The following NREP variants were observed in gnomAD, a reference collection of about 807,000 sequenced individuals.
NREP encodes the protein neuronal regeneration-related protein.
Under a neutral mutation model 8.6 loss-of-function variants are expected in NREP, and 5 were observed. The observed-to-expected ratio is 0.58, with a 90% CI of 0.30 to 1.22. The LOEUF is 1.22. NREP is among the 50% of genes most tolerant of loss of function. NREP has a pLI of 0.07. For synonymous variants in NREP, 27 were observed against 28.0 expected (o/e 0.96, Z 0.11); for missense variants, 86 against 82.5 (o/e 1.04, Z -0.17).
intron 2 of NREP, among the ~76,000 whole-genome samples, chr5:111,967,730 G>C (rs1232489292): frequency 6.6e-6 from 1 of 151,984 alleles, no homozygotes; most frequent in African/African-American, 2.4e-5. Context: ...AACCTTCCAA[G>C]TGTGAAGTGA....
intron 2 of NREP, among the ~76,000 whole-genome samples, chr5:111,808,636 C>T (rs1752198127): frequency 2.0e-5 from 3 of 152,192 alleles, no homozygotes; most frequent in Non-Finnish European, 4.4e-5. Flanking sequence ...TGATCCTCTG[C>T]TGGAATCATT....
chr5:111,741,188 C>T (rs1475492023), intron 2 of NREP, among the ~76,000 whole-genome samples: 2 of 152,092 alleles, frequency 1.3e-5, no homozygotes, highest in Admixed American at 1.3e-4. Context: ...TTAGGAAAGC[C>T]GACTAGGGCA....
intron 2 of NREP, among the ~76,000 whole-genome samples, chr5:111,967,103 C>T (rs374481873): frequency 5.7e-4 from 87 of 152,272 alleles, no homozygotes; most frequent in Non-Finnish European, 1.2e-3. Context: ...GACTGCTACT[C>T]AATACCCTAC....
intron 2 of NREP, among the ~76,000 whole-genome samples, chr5:111,773,806 A>G (rs1170536368): frequency 6.6e-6 from 1 of 152,058 alleles, no homozygotes; most frequent in Non-Finnish European, 1.5e-5. Context: ...GTCAAGTCCA[A>G]ATTTGGTTCT....
At chr5:111,772,633 A>T (rs190675414) in intron 2 of NREP, among the ~76,000 whole-genome samples, 1 of 152,110 alleles carries the variant, frequency 6.6e-6, no homozygotes, top group East Asian at 1.9e-4. Context: ...CCTCTCATTC[A>T]GCCCCTCCCC....
intron 2 of NREP, among the ~76,000 whole-genome samples, chr5:111,952,925 T>C (rs926891342): frequency 3.3e-5 from 5 of 152,138 alleles, no homozygotes; most frequent in Non-Finnish European, 7.4e-5. Context: ...TTTTACTTGA[T>C]ACCTTGCTTG....
At chr5:111,963,185 C>T (rs913499787) in intron 2 of NREP, among the ~76,000 whole-genome samples, 8 of 152,256 alleles carry the variant, frequency 5.3e-5, no homozygotes, top group Non-Finnish European at 8.8e-5. Context: ...AGCTGAGCAA[C>T]GCCATGGGGC....
chr5:111,815,011 A>G (rs184448972), intron 2 of NREP, among the ~76,000 whole-genome samples: 8 of 151,828 alleles, frequency 5.3e-5, no homozygotes, highest in Admixed American at 2.6e-4. Context: ...ATAAAAAGGG[A>G]TTTTAACCTA....
At chr5:111,888,179 T>G (rs1754307020) in intron 2 of NREP, among the ~76,000 whole-genome samples, 1 of 152,362 alleles carries the variant, frequency 6.6e-6, no homozygotes, top group East Asian at 1.9e-4. Flanking sequence ...TTTTAAATTA[T>G]GAAGCATTAA....
chr5:111,846,191 A>C, intron 2 of NREP: 1 of 184,700 alleles, frequency 5.4e-6, no homozygotes, highest in Non-Finnish European at 1.1e-5. Flanking sequence ...CTACTAAAAA[A>C]CTTGCATTTA....
intron 2 of NREP, among the ~76,000 whole-genome samples, chr5:111,830,158 T>A (rs1752730175): frequency 6.6e-6 from 1 of 151,966 alleles, no homozygotes; most frequent in South Asian, 2.1e-4. Flanking sequence ...CAGCTGTTTT[T>A]TTTGTTGTTG....
At chr5:111,935,624 A>T (rs996348033) in intron 2 of NREP, among the ~76,000 whole-genome samples, 1 of 152,128 alleles carries the variant, frequency 6.6e-6, no homozygotes, top group Non-Finnish European at 1.5e-5. Context: ...TTAAGTTTGA[A>T]TATAGACAAA....
At chr5:111,863,277 G>C (rs181302606) in intron 2 of NREP, among the ~76,000 whole-genome samples, 1 of 152,200 alleles carries the variant, frequency 6.6e-6, no homozygotes, top group Admixed American at 6.5e-5. Context: ...ATGATTTCTT[G>C]GTCTCTCTTT....
chr5:111,801,754 A>T (rs1390341516), intron 2 of NREP, among the ~76,000 whole-genome samples: 4 of 152,242 alleles, frequency 2.6e-5, no homozygotes, highest in African/African-American at 9.6e-5. Context: ...TACAAAGATG[A>T]ACAATAAAAT....
chr5:111,731,024 T>G lies in NREP; in HGVS notation c.104A>C (p.Glu35Ala). ...LPKGRLPVPK[E>A]VNRKKNDETN... ...CTCATCGTTCTTCTTGCGGTTCACTTCCTTTGGGACAGGAAGTCTTCCCTG... is the reference window on the plus strand; with the variant it reads ...CTCATCGTTCTTCTTGCGGTTCACTGCCTTTGGGACAGGAAGTCTTCCCTG... Residue 35 changes from glutamate (E) to alanine (A), a missense_variant, in exon 4 of 4, where the codon GAA (glutamate) becomes GCA (alanine). Transcript: ENST00000257435. 1 of 1,613,910 alleles carries G rather than the reference T, an allele frequency of 6.2e-7. No individual in the cohort carries two copies. Among genetic ancestry groups the G allele is most frequent in the Non-Finnish European group, 8.5e-7 (1 of 1,179,840 alleles).
chr5:111,902,343 A>G (rs1333169741), intron 2 of NREP, among the ~76,000 whole-genome samples: 1 of 152,156 alleles, frequency 6.6e-6, no homozygotes, highest in African/African-American at 2.4e-5. Flanking sequence ...TTGAGTGAAC[A>G]TTCCACTCAA....
intron 2 of NREP, among the ~76,000 whole-genome samples, chr5:111,925,982 A>T (rs1021357293): frequency 1.3e-5 from 2 of 152,236 alleles, no homozygotes; most frequent in Admixed American, 6.5e-5. Flanking sequence ...CTGCCTGCAG[A>T]GCTGCCTGCC....
At chr5:111,893,509 A>G (rs1016258495) in intron 2 of NREP, among the ~76,000 whole-genome samples, 2 of 151,800 alleles carry the variant, frequency 1.3e-5, no homozygotes, top group African/African-American at 4.8e-5. Context: ...TTTCCAAGCC[A>G]AATAAAACTA....
intron 2 of NREP, among the ~76,000 whole-genome samples, chr5:111,849,857 C>T (rs1753266840): frequency 6.6e-6 from 1 of 152,064 alleles, no homozygotes; most frequent in Non-Finnish European, 1.5e-5. Flanking sequence ...TTTCTTCCTT[C>T]CCGCAGTCTT....
Sources: allele counts gnomAD v4.1 joint callset (sites outside exome capture counted in the v4.1 genomes callset), GRCh38; gene constraint gnomAD v4.1.1; transcripts MANE v1.5; gene names NCBI Gene and HGNC (gene_info 2026-07-23, HGNC 2026-07-21).